Variants in OPCML observed in about 807,000 individuals in gnomAD.
OPCML encodes the protein opioid-binding protein/cell adhesion molecule.
Under a neutral mutation model 37.8 loss-of-function variants are expected in OPCML, and 13 were observed. The observed-to-expected ratio is 0.34, with a 90% CI of 0.22 to 0.55. The LOEUF is 0.55. OPCML is among the 20% of genes least tolerant of loss of function. OPCML has a pLI of 0.91. For synonymous variants in OPCML, 176 were observed against 168.8 expected (o/e 1.04, Z -0.33); for missense variants, 341 against 435.6 (o/e 0.78, Z 1.93).
intron 3 of OPCML, among the ~76,000 whole-genome samples, chr11:132,560,311 T>G (rs2137498628): frequency 6.6e-6 from 1 of 152,364 alleles, no homozygotes; most frequent in South Asian, 2.1e-4. Flanking sequence ...AATCAAAATC[T>G]AATAGTTTTC....
At chr11:133,185,133 T>G (rs1375800063) in intron 1 of OPCML, among the ~76,000 whole-genome samples, 1 of 152,144 alleles carries the variant, frequency 6.6e-6, no homozygotes, top group Non-Finnish European at 1.5e-5. Context: ...ATTCATAAAC[T>G]CCACACTTTA....
chr11:132,765,712 A>C (rs780755031), intron 2 of OPCML, among the ~76,000 whole-genome samples: 37 of 152,210 alleles, frequency 2.4e-4, no homozygotes, highest in Non-Finnish European at 4.7e-4. Context: ...AAGAAGGAAA[A>C]TATCCCAGAA....
intron 4 of OPCML, among the ~76,000 whole-genome samples, chr11:132,445,648 T>C (rs1327891885): frequency 6.6e-6 from 1 of 152,146 alleles, no homozygotes; most frequent in East Asian, 1.9e-4. Context: ...ATGGTGAACA[T>C]GGTCTGGGGT....
chr11:132,719,428 T>TG (rs1347855133), intron 2 of OPCML, among the ~76,000 whole-genome samples: 2 of 152,222 alleles, frequency 1.3e-5, no homozygotes, highest in African/African-American at 4.8e-5. Context: ...GCTCCAGACA[T>TG]GGGGGAGGGG....
In OPCML at chr11:132,968,102, A is replaced by G. The variant is rs80201703; in HGVS notation, c.62-25092T>C. 9.2e-5 allele frequency among the ~76,000 whole-genome samples: 14 copies of G among 152,224 alleles called. 1 individual carries two copies. In the East Asian group the frequency reaches 2.7e-3, roughly 29 times the overall value. ...ATATCGACACATTTATCTTGTACATATTTTGTTAGGTTTCTAGTTAAGTAT... is the reference window on the plus strand; with the variant it reads ...ATATCGACACATTTATCTTGTACATGTTTTGTTAGGTTTCTAGTTAAGTAT... On this transcript the variant is annotated intron_variant, in intron 1 of 7. Transcript: ENST00000524381.
chr11:133,222,142 G>A (rs1173116463), intron 1 of OPCML, among the ~76,000 whole-genome samples: 3 of 152,168 alleles, frequency 2.0e-5, no homozygotes, highest in African/African-American at 7.2e-5. Flanking sequence ...GCTGGGTTGT[G>A]GATGGGCAGG....
At chr11:133,495,478 C>T (rs1329006388) in intron 1 of OPCML, among the ~76,000 whole-genome samples, 2 of 152,196 alleles carry the variant, frequency 1.3e-5, no homozygotes, top group African/African-American at 4.8e-5. Context: ...GGAATCTCCA[C>T]ACTGTTTTCC....
intron 2 of OPCML, among the ~76,000 whole-genome samples, chr11:132,775,025 G>A (rs867007245): frequency 5.1e-4 from 77 of 152,188 alleles, no homozygotes; most frequent in African/African-American, 1.7e-3. Flanking sequence ...GAATATGAGA[G>A]CAGTTGCCTT....
chr11:132,782,269 G>A (rs1257247735), intron 2 of OPCML, among the ~76,000 whole-genome samples: 1 of 151,452 alleles, frequency 6.6e-6, no homozygotes, highest in Non-Finnish European at 1.5e-5. Flanking sequence ...CCCTCCTGTT[G>A]CCAGCTGGGT....
At chr11:132,684,912 T>TTA in intron 2 of OPCML, among the ~76,000 whole-genome samples, 1 of 152,358 alleles carries the variant, frequency 6.6e-6, no homozygotes, top group East Asian at 1.9e-4. Flanking sequence ...GGCTCAATAT[T>TTA]GGTACAGCTA....
At chr11:133,474,249 T>C (rs949289921) in intron 1 of OPCML, among the ~76,000 whole-genome samples, 16 of 152,236 alleles carry the variant, frequency 1.1e-4, no homozygotes, top group African/African-American at 3.9e-4. Context: ...ACGCCAAGGA[T>C]ATCACAGTCT....
At chr11:132,954,017 A>G (rs538842761) in intron 1 of OPCML, among the ~76,000 whole-genome samples, 41 of 152,332 alleles carry the variant, frequency 2.7e-4, no homozygotes, top group African/African-American at 9.9e-4. Context: ...TGTGTTTTGT[A>G]TAACATGTCA....
intron 3 of OPCML, among the ~76,000 whole-genome samples, chr11:132,627,158 A>T (rs373328859): frequency 6.6e-6 from 1 of 152,250 alleles, no homozygotes; most frequent in African/African-American, 2.4e-5. Context: ...AAGATATATA[A>T]TGGCCAGAAA....
At chr11:133,309,007 C>G (rs1339134575) in intron 1 of OPCML, among the ~76,000 whole-genome samples, 3 of 152,090 alleles carry the variant, frequency 2.0e-5, no homozygotes, top group Non-Finnish European at 4.4e-5. Flanking sequence ...GACCATTCTT[C>G]CTTGAAGGAG....
chr11:133,201,854 A>G (rs920439419), intron 1 of OPCML, among the ~76,000 whole-genome samples: 6 of 152,218 alleles, frequency 3.9e-5, no homozygotes, highest in Admixed American at 6.5e-5. Context: ...CTTATCTGCC[A>G]GTATTTACCT....
chr11:132,983,740 C>T (rs556869838), intron 1 of OPCML, among the ~76,000 whole-genome samples: 1 of 152,192 alleles, frequency 6.6e-6, no homozygotes, highest in Non-Finnish European at 1.5e-5. Flanking sequence ...CACAAAGCAC[C>T]ACACACATCT....
intron 1 of OPCML, among the ~76,000 whole-genome samples, chr11:133,469,424 T>G (rs1947054486): frequency 6.6e-6 from 1 of 152,162 alleles, no homozygotes; most frequent in Admixed American, 6.5e-5. Context: ...CTGTACCACC[T>G]AGGTGTGTAT....
At chr11:132,656,971 A>G in intron 3 of OPCML, 116 bp downstream of exon 3, 1 of 1,489,846 alleles carries the variant, frequency 6.7e-7, no homozygotes, top group South Asian at 1.4e-5. Flanking sequence ...CAAACTCTGA[A>G]TTCAGTAGAG....
intron 1 of OPCML, among the ~76,000 whole-genome samples, chr11:133,013,590 C>A (rs749786680): frequency 6.6e-6 from 1 of 152,124 alleles, no homozygotes; most frequent in Non-Finnish European, 1.5e-5. Context: ...TCTCTTCTAC[C>A]ACTCTGGTTT....
Sources: allele counts gnomAD v4.1 joint callset (sites outside exome capture counted in the v4.1 genomes callset), GRCh38; gene constraint gnomAD v4.1.1; transcripts MANE v1.5; gene names NCBI Gene and HGNC (gene_info 2026-07-23, HGNC 2026-07-21).